The following GLIS3 variants were observed in gnomAD, a reference collection of about 807,000 sequenced individuals.
GLIS3 encodes the protein GLIS family zinc finger 3.
A neutral mutation model predicts 78.6 loss-of-function variants in GLIS3; 53 were observed. The observed-to-expected ratio is 0.67, with a 90% confidence interval of 0.54 to 0.85. GLIS3 has a LOEUF of 0.85. GLIS3 is among the 40% of genes least tolerant of loss of function. The pLI is 0.00. For synonymous variants in GLIS3, 684 were observed against 509.9 expected, an observed-to-expected ratio of 1.34 and a Z score of -4.60; for missense variants, 1,703 against 1,231.1, an observed-to-expected ratio of 1.38 and a Z score of -5.74.
the GLIS3 span, among the ~76,000 whole-genome samples, chr9:4,444,785 G>A: frequency 6.6e-6 from 1 of 152,108 alleles, no homozygotes; most frequent in East Asian, 1.9e-4. Flanking sequence ...TGCATCTGGG[G>A]GTTGAAATTT....
the GLIS3 span, among the ~76,000 whole-genome samples, chr9:4,354,873 T>C: frequency 6.6e-6 from 1 of 151,970 alleles, no homozygotes; most frequent in Non-Finnish European, 1.5e-5. Context: ...TCCCAACACT[T>C]TGGGAGGCCG....
intron 1 of GLIS3, among the ~76,000 whole-genome samples, chr9:4,287,542 T>A (rs1408927691): frequency 1.3e-5 from 2 of 152,226 alleles, no homozygotes; most frequent in Admixed American, 6.5e-5. Flanking sequence ...TTATAGACAC[T>A]GTCACAATCT....
chr9:4,359,131 C>T, the GLIS3 span, among the ~76,000 whole-genome samples: 1 of 152,164 alleles, frequency 6.6e-6, no homozygotes, highest in East Asian at 1.9e-4. Context: ...AAAGTGGCTT[C>T]TTCCAGTTAA....
In GLIS3 at chr9:4,324,633, G is replaced by A. The variant is rs73386251; in HGVS notation, n.265-14105C>T. Among the ~76,000 whole-genome samples the A allele has an allele frequency of 8.0e-3, 1,213 of 152,236 alleles. 13 individuals are homozygous for A. The highest frequency in any genetic ancestry group is 0.028 in the African/African-American group (1,155 of 41,542). On this transcript the variant is annotated intron_variant and non_coding_transcript_variant, in intron 2 of 4. Transcript: ENST00000471664. ...AGATTCTGAAATATCTTCTCAAAAA[G>A]AGACTGAGGTCAATCTGAACACATA...
intron 3 of GLIS3, among the ~76,000 whole-genome samples, chr9:4,121,269 C>T (rs1449902865): frequency 1.3e-5 from 2 of 152,128 alleles, no homozygotes; most frequent in East Asian, 1.9e-4. Context: ...AGTTCTCTTC[C>T]CAAAGAAGTT....
At chr9:3,853,844 C>T (rs4741861) in intron 9 of GLIS3, among the ~76,000 whole-genome samples, 50,186 of 152,082 alleles carry the variant, frequency 0.33, 9,117 homozygotes, top group African/African-American at 0.48. Context: ...GGTCAATTTT[C>T]AAATTTTTAA....
intron 2 of GLIS3, among the ~76,000 whole-genome samples, chr9:4,216,437 G>A (rs780593722): frequency 4.8e-5 from 7 of 147,146 alleles, no homozygotes; most frequent in Admixed American, 6.9e-5. Flanking sequence ...CTGAGATTGC[G>A]CCACTGCACT....
intron 6 of GLIS3, among the ~76,000 whole-genome samples, chr9:3,911,463 T>G (rs1360921263): frequency 6.6e-6 from 1 of 152,296 alleles, no homozygotes; most frequent in African/African-American, 2.4e-5. Context: ...TTGTGAAAAC[T>G]TGATTAAAAC....
At chr9:4,099,136 G>A (rs887463595) in intron 4 of GLIS3, among the ~76,000 whole-genome samples, 25 of 152,216 alleles carry the variant, frequency 1.6e-4, no homozygotes, top group Non-Finnish European at 3.5e-4. Flanking sequence ...CAGGTGGCCA[G>A]CACATAGGGC....
intron 1 of GLIS3, among the ~76,000 whole-genome samples, chr9:4,297,892 T>C (rs4258054): frequency 0.33 from 50,242 of 151,718 alleles, 8,798 homozygotes; most frequent in Admixed American, 0.44. Flanking sequence ...CGGTTCCCTA[T>C]AGGACTGGCT....
intron 2 of GLIS3, among the ~76,000 whole-genome samples, chr9:4,248,747 T>A (rs765585065): frequency 7.9e-5 from 12 of 152,202 alleles, no homozygotes; most frequent in Non-Finnish European, 1.2e-4. Flanking sequence ...CTCTCCAGCA[T>A]CTGTTGTTTC....
At chr9:4,258,713 C>T (rs1825220592) in intron 2 of GLIS3, among the ~76,000 whole-genome samples, 1 of 152,090 alleles carries the variant, frequency 6.6e-6, no homozygotes, top group South Asian at 2.1e-4. Flanking sequence ...TGGGGGTGAT[C>T]TTATGTTCTC....
At chr9:3,906,891 C>G (rs570782416) in intron 6 of GLIS3, among the ~76,000 whole-genome samples, 163 of 152,314 alleles carry the variant, frequency 1.1e-3, no homozygotes, top group Admixed American at 4.7e-3. Flanking sequence ...TCACTGTCTG[C>G]AAACTTCCCA....
intron 4 of GLIS3, among the ~76,000 whole-genome samples, chr9:3,944,778 A>G (rs576013): frequency 0.4 from 60,515 of 152,112 alleles, 12,598 homozygotes; most frequent in African/African-American, 0.53. Context: ...ACTGAATACC[A>G]CAGACTGGGT....
At position 4,181,858 on chromosome 9, in the gene GLIS3, T is replaced by C. The variant is rs1817354872; in HGVS notation, c.389-55917A>G. Among the ~76,000 whole-genome samples the C allele has an allele frequency of 4.6e-5, 7 of 152,296 alleles. 2 individuals are homozygous for C. The South Asian group carries it at 1.5e-3, about 32-fold the overall frequency. On this transcript the variant is annotated intron_variant, in intron 2 of 10. Transcript: ENST00000381971. ...CAGACCCCGTTCCAATTATCCAAGCTAAGGGCCCAGATAGGTGAAGCTATC... is the reference window on the plus strand; with the variant it reads ...CAGACCCCGTTCCAATTATCCAAGCCAAGGGCCCAGATAGGTGAAGCTATC...
intron 5 of GLIS3, among the ~76,000 whole-genome samples, chr9:3,936,184 G>C (rs562999613): frequency 3.5e-4 from 53 of 152,266 alleles, no homozygotes; most frequent in Non-Finnish European, 7.1e-4. Flanking sequence ...TCTGTGATGT[G>C]TATAATACAC....
chr9:4,068,648 C>T (rs1405111563), intron 4 of GLIS3, among the ~76,000 whole-genome samples: 3 of 152,070 alleles, frequency 2.0e-5, no homozygotes, highest in Non-Finnish European at 2.9e-5. Context: ...GAGACATTCC[C>T]ATTTGTCATC....
chr9:3,967,611 T>G (rs2130908611), intron 4 of GLIS3, among the ~76,000 whole-genome samples: 1 of 152,328 alleles, frequency 6.6e-6, no homozygotes, highest in East Asian at 1.9e-4. Flanking sequence ...ACAGGACACA[T>G]GCCTGAATCC....
chr9:3,934,582 T>C (rs547256957), intron 5 of GLIS3, among the ~76,000 whole-genome samples: 1 of 152,198 alleles, frequency 6.6e-6, no homozygotes, highest in Non-Finnish European at 1.5e-5. Context: ...GCTGATTTTG[T>C]ATTTTTAGTA....
Sources: gnomAD v4.1 joint callset for allele counts (sites outside exome capture counted in the v4.1 genomes callset) on GRCh38, gnomAD v4.1.1 for gene constraint, MANE v1.5 for transcripts, NCBI Gene and HGNC (gene_info 2026-07-23, HGNC 2026-07-21) for gene names.